Variants in SMG7 observed in about 807,000 individuals in gnomAD.
SMG7 encodes the protein SMG7 nonsense mediated mRNA decay factor.
Under a neutral mutation model 148.2 loss-of-function variants are expected in SMG7, and 34 were observed. The ratio of observed to expected loss-of-function variants is 0.23; its 90% CI spans 0.17 to 0.31. The LOEUF (loss-of-function observed/expected upper bound fraction) is 0.31. SMG7 is among the 10% of genes least tolerant of loss of function. The pLI is 1.00. For missense variants in SMG7, 1,114 were observed against 1,408.4 expected, an observed-to-expected ratio of 0.79 and a Z score of 3.35; for synonymous variants, 492 against 515.1, an observed-to-expected ratio of 0.96 and a Z score of 0.61.
chr1:183,527,977 G>T lies in SMG7; in HGVS notation c.506G>T (p.Ser169Ile). 6.2e-7 allele frequency: 1 copy of T among 1,613,300 alleles called. No individual in the cohort carries two copies. The highest frequency in any genetic ancestry group is 1.3e-5 in the African/African-American group (1 of 74,932). Residue 169 changes from serine (S) to isoleucine (I), a missense_variant, in exon 6 of 23, where the codon AGC (serine) becomes ATC (isoleucine). This residue lies in a region of SMG7 where 216 missense variants were observed against 329.1 expected (regional missense o/e 0.66). Transcript: ENST00000688051. The surrounding 1 kb of genome is among the most constrained non-coding windows in gnomAD (Gnocchi z 4.0). ...TTAGCTCGATACAGAAACCAGACCA[G>T]CCAGGCAGAGTCCTACTATAGGCAT... ...GDIARYRNQT[S>I]QAESYYRHAA... is the part of the protein sequence containing the mutation.
rs151236624 is a variant in SMG7, at chr1:183,479,012, A to G, written c.29+6363A>G. On this transcript the variant is annotated intron_variant, in intron 1 of 22. Transcript: ENST00000688051. ...TGTAACTAAGCATTTACAAGGAAATATAAGAGTGGAATTTTGGCAGGTATG... is the reference window on the plus strand; with the variant it reads ...TGTAACTAAGCATTTACAAGGAAATGTAAGAGTGGAATTTTGGCAGGTATG... Among the ~76,000 whole-genome samples the G allele has an allele frequency of 3.4e-3, 521 of 152,302 alleles. 1 individual carries two copies. The highest frequency in any genetic ancestry group is 5.4e-3 in the Non-Finnish European group (368 of 67,998).
At position 183,542,201 on chromosome 1, in the gene SMG7, C is replaced by G; in HGVS notation, c.1541C>G (p.Ser514Trp). The G allele has an allele frequency of 6.2e-7, 1 of 1,614,058 alleles. No individual in the cohort carries two copies. The highest frequency in any genetic ancestry group is 8.5e-7 in the Non-Finnish European group (1 of 1,179,980). Residue 514 changes from serine (S) to tryptophan (W), a missense_variant, in exon 14 of 23, where the codon TCG becomes TGG. Coordinates refer to ENST00000688051, the MANE Select transcript of SMG7 (RefSeq NM_001375584.1). ...CTGCAAGAAACATCTGTGATAGAGT[C>G]GCTGGCTGCAGATGGGAGCCCAGGG... ...LILQETSVIESLAADGSPGLK... is the reference protein window; with the variant it reads ...LILQETSVIEWLAADGSPGLK...
At chr1:183,519,911 T>A (rs997114085) in intron 4 of SMG7, among the ~76,000 whole-genome samples, 2 of 152,182 alleles carry the variant, frequency 1.3e-5, no homozygotes, top group Non-Finnish European at 2.9e-5. Flanking sequence ...TTAAATACTG[T>A]TGACACCATT....
intron 1 of SMG7, among the ~76,000 whole-genome samples, chr1:183,497,628 GGC>G (rs2102279886): frequency 6.6e-6 from 1 of 152,052 alleles, no homozygotes; most frequent in East Asian, 1.9e-4. Context: ...GGAGTGCAGT[GGC>G]GCGATCTTGG....
At chr1:183,515,143 G>A (rs1286796851) in intron 2 of SMG7, among the ~76,000 whole-genome samples, 1 of 152,128 alleles carries the variant, frequency 6.6e-6, no homozygotes, top group Non-Finnish European at 1.5e-5. Flanking sequence ...ATTATGTGTA[G>A]TCATAGCCTG....
chr1:183,521,299 A>G (rs1382982179), intron 4 of SMG7, among the ~76,000 whole-genome samples: 1 of 152,084 alleles, frequency 6.6e-6, no homozygotes, highest in Non-Finnish European at 1.5e-5. Context: ...GACTTTCGCC[A>G]TGTTGGCCAG....
In SMG7 at chr1:183,540,987, CTT is replaced by C; in HGVS notation, c.1300_1301del (p.Leu434GlyfsTer34). Reference sequence around the variant, plus strand: ...AACTTGCTTGTGTCAATTTTAGGAACTTGGATTTTTCCAAAGGTCACCAGGGT... The same window carrying C: ...AACTTGCTTGTGTCAATTTTAGGAACGGATTTTTCCAAAGGTCACCAGGGT... ...FLALRPSFRN[L>X]DFSKGHQGIT... is the part of the protein sequence containing the mutation. On this transcript the variant is annotated frameshift_variant, in exon 13 of 23. Transcript: ENST00000688051. LOFTEE classifies it high-confidence loss of function. The C allele has an allele frequency of 6.2e-7, 1 of 1,611,682 alleles. No individual in the cohort carries two copies. The highest frequency in any genetic ancestry group is 8.5e-7 in the Non-Finnish European group (1 of 1,178,828).
chr1:183,542,536 G>A (rs1459325047), intron 14 of SMG7, 34 bp downstream of exon 14: 7 of 1,559,056 alleles, frequency 4.5e-6, no homozygotes, highest in Admixed American at 1.9e-5. Context: ...GCAGGTAGAG[G>A]AAGGCTCACA....
At chr1:183,515,623 T>TTA (rs1663313131) in intron 2 of SMG7, among the ~76,000 whole-genome samples, 1 of 151,272 alleles carries the variant, frequency 6.6e-6, no homozygotes, top group African/African-American at 2.4e-5. Flanking sequence ...TTTTTTTTTT[T>TTA]AGCCCTTTTC....
intron 4 of SMG7, among the ~76,000 whole-genome samples, chr1:183,525,422 G>A (rs967351773): frequency 3.9e-5 from 6 of 152,178 alleles, no homozygotes; most frequent in African/African-American, 1.4e-4. Flanking sequence ...GAAGCCAGAT[G>A]ATAATGGATT....
intron 1 of SMG7, among the ~76,000 whole-genome samples, chr1:183,509,817 C>T (rs1035280365): frequency 2.6e-5 from 4 of 152,028 alleles, no homozygotes; most frequent in Non-Finnish European, 4.4e-5. Flanking sequence ...TTTAGTTTTA[C>T]GGTTTTTCTT....
chr1:183,521,974 G>T (rs1437495695), intron 4 of SMG7, among the ~76,000 whole-genome samples: 4 of 152,200 alleles, frequency 2.6e-5, no homozygotes, highest in African/African-American at 9.6e-5. Flanking sequence ...GATCAGCTAT[G>T]GAAGCTAGCT....
intron 18 of SMG7, 186 bp from the exon 19 acceptor site, chr1:183,549,022 C>T: frequency 1.7e-6 from 1 of 590,456 alleles, no homozygotes; most frequent in South Asian, 2.1e-5. Context: ...TTCTATGCAC[C>T]TGTGGCAACT....
chr1:183,513,044 A>G, intron 2 of SMG7, 176 bp downstream of exon 2: 1 of 569,870 alleles, frequency 1.8e-6, no homozygotes, highest in South Asian at 3.2e-5. Context: ...TCTTGCTTAA[A>G]TAACTGTTGG....
At chr1:183,543,769 A>G (rs768562953) in intron 14 of SMG7, among the ~76,000 whole-genome samples, 5 of 152,164 alleles carry the variant, frequency 3.3e-5, no homozygotes, top group Non-Finnish European at 5.9e-5. Context: ...TGCATATGAC[A>G]TCTACTCTCT....
At chr1:183,484,042 C>A (rs1654821216) in intron 1 of SMG7, among the ~76,000 whole-genome samples, 1 of 152,026 alleles carries the variant, frequency 6.6e-6, no homozygotes, top group African/African-American at 2.4e-5. Context: ...AGCAATGTAA[C>A]CTTGAAGCTC....
At chr1:183,499,747 G>GT (rs1040485558) in intron 1 of SMG7, among the ~76,000 whole-genome samples, 2 of 152,068 alleles carry the variant, frequency 1.3e-5, no homozygotes, top group African/African-American at 4.8e-5. Context: ...CCCTTTGTCA[G>GT]TTTTTTCATA....
chr1:183,508,479 A>T (rs1409381210), intron 1 of SMG7, among the ~76,000 whole-genome samples: 2 of 152,242 alleles, frequency 1.3e-5, no homozygotes, highest in African/African-American at 4.8e-5. Context: ...GGTGTGAGCC[A>T]CCATGCCTGG....
At position 183,552,604 on chromosome 1, in the gene SMG7, G is replaced by T; in HGVS notation, c.*673G>T. 1 of 1,033,336 alleles carries T rather than the reference G, an allele frequency of 9.7e-7. No homozygotes were observed. The highest frequency in any genetic ancestry group is 4.8e-4 in the Middle Eastern group (1 of 2,080). 64.0% of individuals were successfully genotyped at this position (1,033,336 alleles called of 1,614,324 possible). On this transcript the variant is annotated 3_prime_UTR_variant, in exon 23 of 23. Coordinates refer to ENST00000688051, the MANE Select transcript of SMG7 (RefSeq NM_001375584.1). ...AGAAGGCTCTGGTAGGCCTTCCTCT[G>T]GCCAGGAGACTCCAGCAGGGAATGC...
Sources: gnomAD v4.1 joint callset for allele counts (sites outside exome capture counted in the v4.1 genomes callset) on GRCh38, gnomAD v4.1.1 for gene constraint, gnomAD v4.1.1 regional missense constraint, Gnocchi (gnomAD v3.1) non-coding constraint, MANE v1.5 for transcripts, NCBI Gene and HGNC (gene_info 2026-07-23, HGNC 2026-07-21) for gene names.